Variants in C1orf87 observed in about 807,000 individuals in gnomAD.
C1orf87 encodes the protein uncharacterized protein C1orf87.
C1orf87 carries 58 observed loss-of-function variants against 60.5 expected under a neutral mutation model. The ratio of observed to expected loss-of-function variants is 0.96; its 90% CI spans 0.78 to 1.19. The LOEUF is 1.19. C1orf87 is among the 50% of genes most tolerant of loss of function. C1orf87 has a pLI of 0.00. For synonymous variants in C1orf87, 236 were observed against 227.4 expected (o/e 1.04, Z -0.34); for missense variants, 673 against 638.6 (o/e 1.05, Z -0.58).
chr1:60,023,498 G>T (rs1476414470), intron 8 of C1orf87, among the ~76,000 whole-genome samples: 2 of 151,798 alleles, frequency 1.3e-5, no homozygotes, highest in African/African-American at 2.4e-5. Flanking sequence ...TTTCTTTCAG[G>T]TATTGTATTT....
intron 2 of C1orf87, among the ~76,000 whole-genome samples, chr1:60,057,421 T>C (rs958307184): frequency 6.6e-6 from 1 of 152,012 alleles, no homozygotes; most frequent in Non-Finnish European, 1.5e-5. Flanking sequence ...GGGGTGATGA[T>C]TGATGTGGAA....
chr1:60,072,735 CAATAACAACAAGCA>C (rs1645592948), intron 1 of C1orf87, 65 bp from the exon 2 acceptor site: 3 of 774,668 alleles, frequency 3.9e-6, no homozygotes, highest in African/African-American at 3.5e-5. Flanking sequence ...TCATCCTTGC[CAATAACAACAAGCA>C]ATAATAATAG....
At chr1:60,034,391 A>G (rs1399226255) in intron 6 of C1orf87, among the ~76,000 whole-genome samples, 1 of 152,176 alleles carries the variant, frequency 6.6e-6, no homozygotes, top group Non-Finnish European at 1.5e-5. Flanking sequence ...CAGGTGTACT[A>G]TTGCTTCCTC....
At chr1:60,063,695 T>C (rs1645512515) in intron 2 of C1orf87, among the ~76,000 whole-genome samples, 1 of 152,178 alleles carries the variant, frequency 6.6e-6, no homozygotes, top group African/African-American at 2.4e-5. Context: ...CATGATTTAC[T>C]TTCTCTGTAG....
chr1:59,998,380 G>A (rs1288498837), intron 10 of C1orf87, among the ~76,000 whole-genome samples: 1 of 152,190 alleles, frequency 6.6e-6, no homozygotes, highest in Non-Finnish European at 1.5e-5. Context: ...TCTTAGAGTA[G>A]ACCTAAGACT....
intron 7 of C1orf87, among the ~76,000 whole-genome samples, chr1:60,031,239 C>G (rs1025464916): frequency 6.6e-6 from 1 of 152,162 alleles, no homozygotes; most frequent in Non-Finnish European, 1.5e-5. Context: ...TCCAATGTCC[C>G]TTGGGCTTCA....
intron 2 of C1orf87, among the ~76,000 whole-genome samples, chr1:60,062,735 C>T (rs146307977): frequency 6.6e-6 from 1 of 152,200 alleles, no homozygotes; most frequent in East Asian, 1.9e-4. Flanking sequence ...ATTTTTCTGT[C>T]ACATATGTTG....
intron 3 of C1orf87, among the ~76,000 whole-genome samples, chr1:60,046,543 A>C (rs1224350176): frequency 6.7e-6 from 1 of 150,204 alleles, no homozygotes; most frequent in Non-Finnish European, 1.5e-5. Flanking sequence ...AGACTCAAGC[A>C]ATCCCCTGTC....
At chr1:60,033,409 T>G in intron 7 of C1orf87, 67 bp downstream of exon 7, 1 of 1,456,444 alleles carries the variant, frequency 6.9e-7, no homozygotes, top group Non-Finnish European at 9.4e-7. Flanking sequence ...TGTGCCTTAT[T>G]GCTATAGACC....
At chr1:60,037,098 G>GAA (rs1372056798) in intron 6 of C1orf87, among the ~76,000 whole-genome samples, 1 of 152,184 alleles carries the variant, frequency 6.6e-6, no homozygotes, top group African/African-American at 2.4e-5. Context: ...GAGAGAGAGA[G>GAA]AAAACTCTGA....
intron 6 of C1orf87, among the ~76,000 whole-genome samples, chr1:60,036,044 G>A (rs532062530): frequency 1.3e-5 from 2 of 152,278 alleles, no homozygotes; most frequent in Non-Finnish European, 2.9e-5. Flanking sequence ...AAATTTTACA[G>A]TATGTATTAT....
At chr1:60,049,581 AT>A (rs1428238258) in intron 3 of C1orf87, among the ~76,000 whole-genome samples, 7 of 152,168 alleles carry the variant, frequency 4.6e-5, no homozygotes, top group African/African-American at 1.7e-4. Flanking sequence ...TCTGGCCCTT[AT>A]GGTGAAAATA....
intron 3 of C1orf87, among the ~76,000 whole-genome samples, chr1:60,052,709 T>C (rs1557476707): frequency 6.6e-6 from 1 of 152,236 alleles, no homozygotes; most frequent in Non-Finnish European, 1.5e-5. Context: ...GATTGCCTGT[T>C]ACGTCCCAGG....
At chr1:60,029,950 G>A (rs182336375) in intron 7 of C1orf87, among the ~76,000 whole-genome samples, 15 of 152,048 alleles carry the variant, frequency 9.9e-5, no homozygotes, top group Admixed American at 2.6e-4. Context: ...CCCTGTCCCC[G>A]CATTCTTTGC....
chr1:60,032,021 C>G (rs1023871717), intron 7 of C1orf87, among the ~76,000 whole-genome samples: 4 of 150,966 alleles, frequency 2.6e-5, no homozygotes, highest in Non-Finnish European at 5.9e-5. Flanking sequence ...CACACACACA[C>G]AGAGTTTTGC....
chr1:60,048,317 T>G (rs903401769), intron 3 of C1orf87, among the ~76,000 whole-genome samples: 1 of 152,152 alleles, frequency 6.6e-6, no homozygotes, highest in Non-Finnish European at 1.5e-5. Context: ...AGCTTGGAAG[T>G]AGATCCTCTA....
rs138721578 is a variant in C1orf87, at chr1:59,994,763, G to A, written c.1480+2846C>T. ...CAGAAGCACTGATGTGATGATGGATGGCCTGTCCTCATCCTGGATGGAGAA... is the reference window on the plus strand; with the variant it reads ...CAGAAGCACTGATGTGATGATGGATAGCCTGTCCTCATCCTGGATGGAGAA... On this transcript the variant is annotated intron_variant, in intron 11 of 11. Coordinates refer to ENST00000371201, the MANE Select transcript of C1orf87 (RefSeq NM_152377.3). Among the ~76,000 whole-genome samples, 1,078 of 152,226 alleles carry A rather than the reference G, an allele frequency of 7.1e-3. 17 individuals carry two copies. The highest frequency in any genetic ancestry group is 0.024 in the African/African-American group (999 of 41,528).
intron 3 of C1orf87, among the ~76,000 whole-genome samples, chr1:60,042,394 G>A (rs1645331932): frequency 6.6e-6 from 1 of 152,038 alleles, no homozygotes; most frequent in Admixed American, 6.5e-5. Flanking sequence ...GGTAATAGAA[G>A]GGCGACATGA....
intron 7 of C1orf87, among the ~76,000 whole-genome samples, chr1:60,032,259 T>C (rs1204510553): frequency 6.6e-6 from 1 of 152,244 alleles, no homozygotes; most frequent in East Asian, 1.9e-4. Context: ...TCTAATCTTC[T>C]GGAATTCTAA....
Sources: allele counts gnomAD v4.1 joint callset (sites outside exome capture counted in the v4.1 genomes callset), GRCh38; gene constraint gnomAD v4.1.1; transcripts MANE v1.5; gene names NCBI Gene and HGNC (gene_info 2026-07-23, HGNC 2026-07-21).